Variants in AHCYL2 observed in about 807,000 individuals in gnomAD.
AHCYL2 encodes the protein adenosylhomocysteinase like 2.
A neutral mutation model predicts 81.4 loss-of-function variants in AHCYL2; 28 were observed. The ratio of observed to expected loss-of-function variants is 0.34; its 90% CI spans 0.25 to 0.47. AHCYL2 has a LOEUF of 0.47. Among genes scored for constraint, AHCYL2 ranks in the 20% least tolerant of loss-of-function variants. AHCYL2 has a pLI of 1.00. For missense variants in AHCYL2, 551 were observed against 785.1 expected, an observed-to-expected ratio of 0.70 and a Z score of 3.56; for synonymous variants, 272 against 290.2, an observed-to-expected ratio of 0.94 and a Z score of 0.64.
chr7:129,330,849 A>G (rs1251236890), intron 1 of AHCYL2, among the ~76,000 whole-genome samples: 1 of 152,236 alleles, frequency 6.6e-6, no homozygotes, highest in Non-Finnish European at 1.5e-5. Context: ...AAATTATGTT[A>G]TGAACATGTC....
intron 4 of AHCYL2, among the ~76,000 whole-genome samples, chr7:129,396,268 GCC>G (rs1164235386): frequency 6.9e-6 from 1 of 144,702 alleles, no homozygotes; most frequent in Admixed American, 6.9e-5. Flanking sequence ...GACTACAGGC[GCC>G]CGCTACCACA....
chr7:129,348,316 G>A (rs752055538), intron 1 of AHCYL2, among the ~76,000 whole-genome samples: 3 of 152,016 alleles, frequency 2.0e-5, no homozygotes, highest in African/African-American at 4.8e-5. Flanking sequence ...AAGTCTTCAA[G>A]ATAATGTTGA....
At chr7:129,252,825 T>C (rs181148049) in intron 1 of AHCYL2, among the ~76,000 whole-genome samples, 4 of 152,010 alleles carry the variant, frequency 2.6e-5, no homozygotes, top group African/African-American at 9.7e-5. Context: ...GATTGATTGA[T>C]TGATAGATAA....
chr7:129,357,781 A>C lies in AHCYL2; in HGVS notation c.364-21857A>C, dbSNP rs190369251. On this transcript the variant is annotated intron_variant, in intron 1 of 16. Transcript: ENST00000325006. ...AACCGCATCTCTACTAAAAATACAA[A>C]AAATTAGCTGGGCGTGGTGGCGGGC... 5.0e-3 allele frequency among the ~76,000 whole-genome samples: 758 copies of C among 151,914 alleles called. 33 individuals carry two copies. The highest frequency in any genetic ancestry group is 0.046 in the Admixed American group (698 of 15,258).
chr7:129,373,385 A>C (rs965560454), intron 1 of AHCYL2, among the ~76,000 whole-genome samples: 1 of 151,800 alleles, frequency 6.6e-6, no homozygotes, highest in Non-Finnish European at 1.5e-5. Context: ...GAACTTTTTA[A>C]GTTTTTTTTT....
intron 1 of AHCYL2, among the ~76,000 whole-genome samples, chr7:129,289,506 T>G (rs1796761128): frequency 6.6e-6 from 1 of 152,236 alleles, no homozygotes; most frequent in South Asian, 2.1e-4. Flanking sequence ...ATTTATTAGC[T>G]GGAATACTTC....
At position 129,357,788 on chromosome 7, in the gene AHCYL2, G is replaced by A. The variant is rs113064185; in HGVS notation, c.364-21850G>A. ...TCTCTACTAAAAATACAAAAAATTA[G>A]CTGGGCGTGGTGGCGGGCGCCTGTA... On this transcript the variant is annotated intron_variant, in intron 1 of 16. Coordinates refer to ENST00000325006, the MANE Select transcript of AHCYL2 (RefSeq NM_015328.4). 4.9e-3 allele frequency among the ~76,000 whole-genome samples: 746 copies of A among 151,740 alleles called. 9 individuals are homozygous for A. The highest frequency in any genetic ancestry group is 0.017 in the African/African-American group (721 of 41,392).
intron 1 of AHCYL2, among the ~76,000 whole-genome samples, chr7:129,305,335 C>T (rs1018320555): frequency 6.6e-6 from 1 of 152,114 alleles, no homozygotes; most frequent in Non-Finnish European, 1.5e-5. Flanking sequence ...TGGCACGTGC[C>T]TGTAGTCCCA....
At chr7:129,273,321 CTTTTT>C (rs35236990) in intron 1 of AHCYL2, among the ~76,000 whole-genome samples, 67 of 75,896 alleles carry the variant, frequency 8.8e-4, no homozygotes, top group African/African-American at 2.9e-3. Flanking sequence ...TTTGCTAAGA[CTTTTT>C]TTTTTTTTTT....
intron 1 of AHCYL2, among the ~76,000 whole-genome samples, chr7:129,228,848 G>GC (rs1794317079): frequency 6.6e-6 from 1 of 152,210 alleles, no homozygotes; most frequent in Non-Finnish European, 1.5e-5. Context: ...TGTCAGGAGA[G>GC]AATGAGTTGA....
At chr7:129,312,400 T>C (rs1332407394) in intron 1 of AHCYL2, among the ~76,000 whole-genome samples, 1 of 152,228 alleles carries the variant, frequency 6.6e-6, no homozygotes, top group East Asian at 1.9e-4. Context: ...TCATTTTCTT[T>C]TCTTTCTTTC....
At position 129,299,369 on chromosome 7, in the gene AHCYL2, G is replaced by GTTTTTTTTTTTTTTTTTTTTTTTTTTTTT; in HGVS notation, c.363+73944_363+73972dup. 4.3e-5 allele frequency among the ~76,000 whole-genome samples: 2 copies of GTTTTTTTTTTTTTTTTTTTTTTTTTTTTT among 46,278 alleles called. 1 individual carries two copies. Among genetic ancestry groups the GTTTTTTTTTTTTTTTTTTTTTTTTTTTTT allele is most frequent in the Non-Finnish European group, 7.7e-5 (2 of 26,048 alleles). The allele number at this position is 46,278 out of a possible 152,430, so 30.4% of individuals were successfully genotyped here. A position where few individuals can be genotyped will look rare whatever the true frequency, so the allele number is the denominator to read the frequency against. On this transcript the variant is annotated intron_variant, in intron 1 of 16. Transcript: ENST00000325006. Reference sequence around the variant, plus strand: ...AGGCTGAGGTGGGAGAGTCCAACTTGTTTTTTTTTTTTTTTTTTTTTTTTT... The same window carrying GTTTTTTTTTTTTTTTTTTTTTTTTTTTTT: ...AGGCTGAGGTGGGAGAGTCCAACTTGTTTTTTTTTTTTTTTTTTTTTTTTTTTTTTTTTTTTTTTTTTTTTTTTTTTTTT...
At chr7:129,327,966 T>C (rs1045235492) in intron 1 of AHCYL2, among the ~76,000 whole-genome samples, 6 of 151,972 alleles carry the variant, frequency 3.9e-5, no homozygotes, top group Admixed American at 3.3e-4. Context: ...GCTAATTTTT[T>C]AATTTTTCTT....
chr7:129,244,984 A>G (rs187811275), intron 1 of AHCYL2, among the ~76,000 whole-genome samples: 2 of 151,328 alleles, frequency 1.3e-5, no homozygotes, highest in East Asian at 1.9e-4. Context: ...AAATCCACCC[A>G]TTACAAATTA....
chr7:129,429,667 T>A lies in AHCYL2; in HGVS notation c.*2622T>A, dbSNP rs1392712501. The A allele has an allele frequency of 5.3e-5, 8 of 152,308 alleles. No homozygotes were observed. The allele number at this position is 152,308 out of a possible 1,614,324, so 9.4% of individuals were successfully genotyped here. A position where few individuals can be genotyped will look rare whatever the true frequency, so the allele number is the denominator to read the frequency against. Reference sequence around the variant, plus strand: ...GGTGTGTGCTACCGTGCCTGGCACTTTTTTGCCTTCTTAATGGAGATATTC... The same window carrying A: ...GGTGTGTGCTACCGTGCCTGGCACTATTTTGCCTTCTTAATGGAGATATTC... On this transcript the variant is annotated 3_prime_UTR_variant, in exon 17 of 17. Coordinates refer to ENST00000325006, the MANE Select transcript of AHCYL2 (RefSeq NM_015328.4).
At chr7:129,254,495 C>T (rs948978227) in intron 1 of AHCYL2, among the ~76,000 whole-genome samples, 4 of 152,086 alleles carry the variant, frequency 2.6e-5, no homozygotes, top group African/African-American at 9.7e-5. Context: ...TTTCTAGAAA[C>T]TCTGATTATA....
chr7:129,256,410 C>T (rs1795421259), intron 1 of AHCYL2, among the ~76,000 whole-genome samples: 1 of 152,104 alleles, frequency 6.6e-6, no homozygotes, highest in Non-Finnish European at 1.5e-5. Flanking sequence ...TATGCATTTA[C>T]AAGTGTATAC....
At chr7:129,326,466 C>T (rs1046855252) in intron 1 of AHCYL2, among the ~76,000 whole-genome samples, 1 of 152,082 alleles carries the variant, frequency 6.6e-6, no homozygotes, top group Non-Finnish European at 1.5e-5. Flanking sequence ...GCAGAGGTTG[C>T]AGTGAGCTGA....
rs1797392697 is a variant in AHCYL2 at position 129,426,981 on chromosome 7, G to A, written c.1830-58G>A. The A allele has an allele frequency of 7.0e-6, 11 of 1,572,732 alleles. No homozygotes were observed. In the South Asian group the frequency reaches 1.1e-4, roughly 16 times the overall value. On this transcript the variant is annotated intron_variant, in intron 16 of 16. Transcript: ENST00000325006. The surrounding 1 kb of genome is among the most constrained non-coding windows in gnomAD (Gnocchi z 4.3). Reference sequence around the variant, plus strand: ...TTACACCTTTAGGCAGGCTCTTCATGTCCCAGCATCCCCATTAGCTGATAA... The same window carrying A: ...TTACACCTTTAGGCAGGCTCTTCATATCCCAGCATCCCCATTAGCTGATAA...
Sources: allele counts gnomAD v4.1 joint callset (sites outside exome capture counted in the v4.1 genomes callset), GRCh38; gene constraint gnomAD v4.1.1; non-coding constraint Gnocchi (gnomAD v3.1); transcripts MANE v1.5; gene names NCBI Gene and HGNC (gene_info 2026-07-23, HGNC 2026-07-21).